Variants in CPT1B observed in about 807,000 individuals in gnomAD.
CPT1B encodes carnitine O-palmitoyltransferase 1, muscle isoform.
Under a neutral mutation model 92.7 loss-of-function variants are expected in CPT1B, and 57 were observed. The observed-to-expected ratio is 0.62, with a 90% CI of 0.50 to 0.77. CPT1B has a LOEUF of 0.77. Among genes scored for constraint, CPT1B ranks in the 30% least tolerant of loss-of-function variants. CPT1B has a pLI of 0.00. For synonymous variants in CPT1B, 398 were observed against 383.5 expected, an observed-to-expected ratio of 1.04 and a Z score of -0.44; for missense variants, 983 against 1,017.4, an observed-to-expected ratio of 0.97 and a Z score of 0.46.
At chr22:50,574,053 C>T (rs1419981896) in intron 9 of CPT1B, 62 of 677,948 alleles carry the variant, frequency 9.1e-5, no homozygotes, top group Admixed American at 1.9e-4. Context: ...CCTCCTCTGC[C>T]GGCTCCATGG....
In CPT1B at chr22:50,571,385, G is replaced by C. The variant is rs1423653863; in HGVS notation, c.1730C>G (p.Ala577Gly). ...DAFVQIALQL[A>G]HFRDRGKFCL... is the part of the protein sequence containing the mutation. ...AGGCGGGGCTCCTACCCGGAAGTGAGCCAGCTGCAGCGCGATCTGCACAAA... is the reference window on the plus strand; with the variant it reads ...AGGCGGGGCTCCTACCCGGAAGTGACCCAGCTGCAGCGCGATCTGCACAAA... Residue 577 changes from alanine to glycine, a missense_variant, in exon 14 of 20, where the codon GCT (alanine) becomes GGT (glycine). Coordinates refer to ENST00000312108, the MANE Select transcript of CPT1B (RefSeq NM_152246.3). The C allele has an allele frequency of 1.9e-6, 3 of 1,613,836 alleles. No homozygotes were observed. In the Admixed American group the frequency reaches 5.0e-5, roughly 27 times the overall value.
At chr22:50,570,557 C>A in intron 16 of CPT1B, 151 bp from the exon 17 acceptor site, 1 of 656,156 alleles carries the variant, frequency 1.5e-6, no homozygotes, top group Non-Finnish European at 2.6e-6. Context: ...TGCATCATGC[C>A]ACATAAGGCT....
In CPT1B at chr22:50,571,789, G is replaced by A. The variant is rs374482770; in HGVS notation, c.1575+217C>T. 948 of 652,822 alleles carry A rather than the reference G, an allele frequency of 1.5e-3. 2 individuals are homozygous for A. Among genetic ancestry groups the A allele is most frequent in the Non-Finnish European group, 2.2e-3 (820 of 378,308 alleles). The allele number at this position is 652,822 out of a possible 1,614,324, so 40.4% of individuals were successfully genotyped here. On this transcript the variant is annotated intron_variant, in intron 13 of 19. Coordinates refer to ENST00000312108, the MANE Select transcript of CPT1B (RefSeq NM_152246.3). The stretch of plus-strand genomic sequence containing the variant: ...TGAGTGCCTCCTCCATCTCATGGCT[G>A]TCTCTAAACACAGATGGCCCCAGGG...
In CPT1B at chr22:50,577,947, C is replaced by A; in HGVS notation, c.-19-13G>T. 1 of 1,591,028 alleles carries A rather than the reference C, an allele frequency of 6.3e-7. No homozygotes were observed. The highest frequency in any genetic ancestry group is 8.6e-7 in the Non-Finnish European group (1 of 1,165,934). On this transcript the variant is annotated splice_polypyrimidine_tract_variant and intron_variant, in intron 1 of 19. Coordinates refer to ENST00000312108, the MANE Select transcript of CPT1B (RefSeq NM_152246.3). ...GGTTGGTCGGCACCTAGGACGGGGG[C>A]AGATGGGTGCGCGGGCGCGCTTAGG... is the stretch of plus-strand genomic sequence containing the variant.
In CPT1B at chr22:50,573,742, A is replaced by G. The variant is rs781516690; in HGVS notation, c.971-27T>C. 24 of 1,600,422 alleles carry G rather than the reference A, an allele frequency of 1.5e-5. No individual in the cohort carries two copies. Among genetic ancestry groups the G allele is most frequent in the Non-Finnish European group, 2.0e-5 (24 of 1,172,958 alleles). ...TGTGATACAGGCCACGGGCAAGCTG[A>G]GGCGGGGCCCCCAGCTACATCCTGG... On this transcript the variant is annotated intron_variant, in intron 9 of 19. Coordinates refer to ENST00000312108, the MANE Select transcript of CPT1B (RefSeq NM_152246.3). The surrounding 1 kb of genome is among the most constrained non-coding windows in gnomAD (Gnocchi z 5.0).
At chr22:50,572,404 TTCTC>T (rs994048445) in intron 11 of CPT1B, 96 bp from the exon 12 acceptor site, 14 of 719,298 alleles carry the variant, frequency 1.9e-5, no homozygotes, top group Non-Finnish European at 2.6e-5. Context: ...ACTAACCCTA[TTCTC>T]TCTCTCTTTT....
rs1049843627 is a variant in CPT1B at position 50,574,824 on chromosome 22, T to A, written c.778-224A>T. 12 of 523,336 alleles carry A rather than the reference T, an allele frequency of 2.3e-5. No homozygotes were observed. In the Admixed American group the frequency reaches 4.0e-4, roughly 17 times the overall value. 32.4% of individuals were successfully genotyped at this position (523,336 alleles called of 1,614,324 possible). On this transcript the variant is annotated intron_variant, in intron 7 of 19. Transcript: ENST00000312108. ...CTGCTTTATTCTTTATTTTTTAGAG[T>A]TAGGGTCTTGCTCTGTCGCCCAGGC...
chr22:50,571,891 G>A (rs2070192395), intron 13 of CPT1B, 115 bp downstream of exon 13: 5 of 1,019,280 alleles, frequency 4.9e-6, no homozygotes, highest in African/African-American at 1.6e-5. Context: ...GTGCCTTCCC[G>A]AGGGCTGGGC....
At position 50,576,619 on chromosome 22, in the gene CPT1B, A is replaced by G; in HGVS notation, c.478T>C (p.Ser160Pro). 6.2e-7 allele frequency: 1 copy of G among 1,610,610 alleles called. No individual in the cohort carries two copies. Residue 160 changes from serine (S) to proline (P), a missense_variant, in exon 5 of 20, where the codon TCC becomes CCC. Coordinates refer to ENST00000312108, the MANE Select transcript of CPT1B (RefSeq NM_152246.3). ...CTGTAGAGCATAGGGTGCCGGCTGGATAGAAGGCGGATACACATCTGGGGG... is the reference window on the plus strand; with the variant it reads ...CTGTAGAGCATAGGGTGCCGGCTGGGTAGAAGGCGGATACACATCTGGGGG... ...RIWAMCIRLLSSRHPMLYSFQ... is the reference protein window; with the variant it reads ...RIWAMCIRLLPSRHPMLYSFQ...
At chr22:50,575,261 G>A (rs976159212) in intron 7 of CPT1B, among the ~76,000 whole-genome samples, 4 of 152,108 alleles carry the variant, frequency 2.6e-5, no homozygotes, top group African/African-American at 4.8e-5. Context: ...CACCTGCCTC[G>A]GCCTCCCAAA....
Position 50,573,172 on chromosome 22 carries a change from TGG to T in CPT1B, c.1167-114_1167-113del. On this transcript the variant is annotated intron_variant, in intron 10 of 19. Coordinates refer to ENST00000312108, the MANE Select transcript of CPT1B (RefSeq NM_152246.3). This position sits in a 1 kb window ranked among gnomAD's most constrained non-coding sequence, Gnocchi z 5.0. ...TGGGGTGCCAGGCTGGACCTGGAGA[TGG>T]GGGGTACCACGCTGGACCTGGAGAT... 1 of 857,850 alleles carries T rather than the reference TGG, an allele frequency of 1.2e-6. No individual in the cohort carries two copies. Among genetic ancestry groups the T allele is most frequent in the Non-Finnish European group, 1.7e-6 (1 of 572,324 alleles). The allele number at this position is 857,850 out of a possible 1,614,324, so 53.1% of individuals were successfully genotyped here.
At position 50,574,509 on chromosome 22, in the gene CPT1B, C is replaced by A. The variant is rs566795408; in HGVS notation, c.869G>T (p.Arg290Leu). Residue 290 changes from arginine to leucine, a missense_variant, in exon 8 of 20, where the codon CGT (arginine) becomes CTT (leucine). Transcript: ENST00000312108. ...AMIMYRRKLD[R>L]EEIKPVMALG... ...GCAACTCACAGGCTTGATTTCTTCA[C>A]GGTCCAGTTTACGGCGATACATGAT... 1.2e-6 allele frequency: 2 copies of A among 1,614,030 alleles called. No homozygotes were observed. Among genetic ancestry groups the A allele is most frequent in the Non-Finnish European group, 1.7e-6 (2 of 1,180,030 alleles).
At chr22:50,578,126 A>G (rs2070554765) in intron 1 of CPT1B, 192 bp from the exon 2 acceptor site, 1 of 190,804 alleles carries the variant, frequency 5.2e-6, no homozygotes, top group African/African-American at 2.4e-5. Flanking sequence ...GGGCACAGCC[A>G]CTGTGGTGCA....
chr22:50,571,240 C>G lies in CPT1B; in HGVS notation c.1793G>C (p.Arg598Pro), dbSNP rs745866439. Residue 598 changes from arginine to proline, a missense_variant, in exon 15 of 20, where the codon CGG becomes CCG. Physicochemically the swap from Arg to Pro is moderately radical, Grantham distance 103. Coordinates refer to ENST00000312108, the MANE Select transcript of CPT1B (RefSeq NM_152246.3). ...TYEASMTRMF[R>P]EGRTETVRSC... Reference sequence around the variant, plus strand: ...ACGCACAGTCTCAGTCCGTCCCTCCCGGAACATTCTGGTCATTGAGGCCTC... The same window carrying G: ...ACGCACAGTCTCAGTCCGTCCCTCCGGGAACATTCTGGTCATTGAGGCCTC... The G allele has an allele frequency of 4.3e-6, 7 of 1,613,938 alleles. No homozygotes were observed. The highest frequency in any genetic ancestry group is 5.9e-6 in the Non-Finnish European group (7 of 1,180,038).
At position 50,577,855 on chromosome 22, in the gene CPT1B, A is replaced by T. The variant is rs1413148866; in HGVS notation, c.61T>A (p.Phe21Ile). The T allele has an allele frequency of 2.5e-6, 4 of 1,613,610 alleles. No individual in the cohort carries two copies. In the South Asian group the frequency reaches 4.4e-5, roughly 18 times the overall value. ...TTCAGGGCCTCCCGACTGAGCCGGAAGTCGACCCCGTCTGGGGTCACCGTG... is the reference window on the plus strand; with the variant it reads ...TTCAGGGCCTCCCGACTGAGCCGGATGTCGACCCCGTCTGGGGTCACCGTG... ...QFTVTPDGVD[F>I]RLSREALKHV... The change falls in exon 2 of 20, where the codon TTC (phenylalanine) becomes ATC (isoleucine). Residue 21 changes from phenylalanine to isoleucine, a missense_variant. Phe to Ile is a conservative substitution (Grantham distance 21, BLOSUM62 0). Transcript: ENST00000312108.
chr22:50,576,774 C>A, intron 4 of CPT1B, 83 bp downstream of exon 4: 1 of 1,579,598 alleles, frequency 6.3e-7, no homozygotes, highest in East Asian at 2.2e-5. Context: ...CCCTGTCTGC[C>A]TCTCCCGTCT....
intron 15 of CPT1B, 44 bp downstream of exon 15, chr22:50,571,114 C>T: frequency 2.5e-6 from 4 of 1,611,940 alleles, no homozygotes; most frequent in Non-Finnish European, 3.4e-6. Flanking sequence ...GAGGGGGCAC[C>T]TCACCCGACG....
In CPT1B at chr22:50,577,794, T is replaced by G. The variant is rs1359555081; in HGVS notation, c.122A>C (p.Lys41Thr). 6.2e-7 allele frequency: 1 copy of G among 1,613,842 alleles called. No homozygotes were observed. Residue 41 changes from lysine to threonine, a missense_variant, in exon 2 of 20, where the codon AAA becomes ACA. Lys to Thr is a moderately conservative substitution (Grantham distance 78). Coordinates refer to ENST00000312108, the MANE Select transcript of CPT1B (RefSeq NM_152246.3). ...GCGCACCTTGATGCGGATCAGGCGTTTCTTCCAGGAGTTGATCCCAGACAG... is the reference window on the plus strand; with the variant it reads ...GCGCACCTTGATGCGGATCAGGCGTGTCTTCCAGGAGTTGATCCCAGACAG... Reference protein sequence around the residue: ...VYLSGINSWKKRLIRIKNGIL... With the variant: ...VYLSGINSWKTRLIRIKNGIL...
chr22:50,573,147 TG>T lies in CPT1B; in HGVS notation c.1167-88del. On this transcript the variant is annotated intron_variant, in intron 10 of 19. Coordinates refer to ENST00000312108, the MANE Select transcript of CPT1B (RefSeq NM_152246.3). The surrounding 1 kb of genome is among the most constrained non-coding windows in gnomAD (Gnocchi z 5.0). ...GCCTGGCTGGACCTGGAGATGGGGG[TG>T]GGGTGCCAGGCTGGACCTGGAGATG... The T allele has an allele frequency of 8.4e-7, 1 of 1,193,898 alleles. No individual in the cohort carries two copies. Among genetic ancestry groups the T allele is most frequent in the Non-Finnish European group, 1.2e-6 (1 of 853,628 alleles). The allele number at this position is 1,193,898 out of a possible 1,614,324, so 74.0% of individuals were successfully genotyped here. A position where few individuals can be genotyped will look rare whatever the true frequency, so the allele number is the denominator to read the frequency against.
Sources: allele counts gnomAD v4.1 joint callset (sites outside exome capture counted in the v4.1 genomes callset), GRCh38; gene constraint gnomAD v4.1.1; non-coding constraint Gnocchi (gnomAD v3.1); transcripts MANE v1.5; gene names NCBI Gene and HGNC (gene_info 2026-07-23, HGNC 2026-07-21).